The following CLINT1 variants were observed in gnomAD, a reference collection of about 807,000 sequenced individuals.
CLINT1 encodes the protein clathrin interacting protein localized in the trans-Golgi region.
Under a neutral mutation model 70.4 loss-of-function variants are expected in CLINT1, and 15 were observed. The ratio of observed to expected loss-of-function variants is 0.21; its 90% confidence interval spans 0.14 to 0.33. The LOEUF is 0.33. Among genes scored for constraint, CLINT1 ranks in the 10% least tolerant of loss-of-function variants. The pLI, the probability that CLINT1 is intolerant of heterozygous loss-of-function variation, is 1.00. For synonymous variants in CLINT1, 227 were observed against 254.7 expected, an observed-to-expected ratio of 0.89 and a Z score of 1.04; for missense variants, 615 against 778.1, an observed-to-expected ratio of 0.79 and a Z score of 2.49.
chr5:157,816,656 C>T, intron 3 of CLINT1, 78 bp downstream of exon 3: 1 of 876,414 alleles, frequency 1.1e-6, no homozygotes. Context: ...ACTTCAAAAT[C>T]ACCTATGTAT....
Position 157,814,243 on chromosome 5 carries a change from A to G in CLINT1, c.294T>C (p.Val98=). The change falls in exon 4 of 12, where the codon GTT becomes GTC. Residue 98 remains valine, a synonymous_variant. Coordinates refer to ENST00000411809, the MANE Select transcript of CLINT1 (RefSeq NM_014666.4). ...YLIRNGSERV[V]TSAREHIYDL... is the part of the protein sequence containing the mutation. Reference sequence around the variant, plus strand: ...CATAAATGTGTTCTCTGGCACTTGTAACAACACGCTCTGATCCATTCCTTA... The same window carrying G: ...CATAAATGTGTTCTCTGGCACTTGTGACAACACGCTCTGATCCATTCCTTA... 1.2e-6 allele frequency: 2 copies of G among 1,611,288 alleles called. No homozygotes were observed. Among genetic ancestry groups the G allele is most frequent in the Non-Finnish European group, 1.7e-6 (2 of 1,178,794 alleles).
At chr5:157,796,358 T>C (rs1262332769) in intron 8 of CLINT1, among the ~76,000 whole-genome samples, 2 of 152,218 alleles carry the variant, frequency 1.3e-5, no homozygotes, top group Non-Finnish European at 2.9e-5. Flanking sequence ...TATAACATTA[T>C]TTCAAGTTGT....
chr5:157,829,271 T>A (rs1763141234), intron 1 of CLINT1, among the ~76,000 whole-genome samples: 1 of 152,182 alleles, frequency 6.6e-6, no homozygotes, highest in Middle Eastern at 3.2e-3. Flanking sequence ...CAACTCAAAC[T>A]ATTTCTATTT....
intron 4 of CLINT1, 73 bp from the exon 5 acceptor site, chr5:157,813,300 A>G (rs912776311): frequency 7.5e-7 from 1 of 1,329,488 alleles, no homozygotes; most frequent in Non-Finnish European, 1.0e-6. Context: ...AAGATTAAAA[A>G]AAAGACACAA....
At chr5:157,851,170 T>C (rs953752632) in intron 1 of CLINT1, among the ~76,000 whole-genome samples, 15 of 152,160 alleles carry the variant, frequency 9.9e-5, no homozygotes, top group South Asian at 8.3e-4. Context: ...AACCCGAAAA[T>C]TGAATTTTCA....
chr5:157,844,035 T>C (rs1264390455), intron 1 of CLINT1, among the ~76,000 whole-genome samples: 4 of 152,144 alleles, frequency 2.6e-5, no homozygotes, highest in Non-Finnish European at 1.5e-5. Context: ...GTAAGAGTGA[T>C]ACCATCTCTT....
intron 8 of CLINT1, among the ~76,000 whole-genome samples, chr5:157,797,390 T>C (rs1030222395): frequency 6.6e-6 from 1 of 152,070 alleles, no homozygotes; most frequent in Non-Finnish European, 1.5e-5. Flanking sequence ...TTCTTTTCTG[T>C]TTTTCTTTGT....
intron 1 of CLINT1, among the ~76,000 whole-genome samples, chr5:157,846,790 G>A (rs1753397125): frequency 6.6e-6 from 1 of 152,164 alleles, no homozygotes; most frequent in African/African-American, 2.4e-5. Flanking sequence ...TGCACATTAT[G>A]AAAATCCTGG....
chr5:157,836,484 C>T (rs1218458335), intron 1 of CLINT1, among the ~76,000 whole-genome samples: 1 of 152,186 alleles, frequency 6.6e-6, no homozygotes, highest in Non-Finnish European at 1.5e-5. Flanking sequence ...ATCCACTATC[C>T]AACTCAGCAC....
intron 8 of CLINT1, among the ~76,000 whole-genome samples, chr5:157,802,454 C>A (rs1331753964): frequency 6.6e-6 from 1 of 151,988 alleles, no homozygotes; most frequent in African/African-American, 2.4e-5. Flanking sequence ...TACTCAAAAT[C>A]TAGCACATAC....
intron 1 of CLINT1, among the ~76,000 whole-genome samples, chr5:157,853,177 G>A (rs764768817): frequency 2.6e-5 from 4 of 151,544 alleles, no homozygotes; most frequent in African/African-American, 4.9e-5. Flanking sequence ...ATGAAACCCC[G>A]TCTCTACAAA....
chr5:157,855,594 C>T (rs1753733312), intron 1 of CLINT1, among the ~76,000 whole-genome samples: 1 of 152,156 alleles, frequency 6.6e-6, no homozygotes, highest in African/African-American at 2.4e-5. Flanking sequence ...CCTCTACTGC[C>T]ACCAGGAGGT....
chr5:157,813,750 T>C (rs1422635801), intron 4 of CLINT1, among the ~76,000 whole-genome samples: 1 of 152,214 alleles, frequency 6.6e-6, no homozygotes, highest in Non-Finnish European at 1.5e-5. Flanking sequence ...TGAAATGTGC[T>C]TCATTTTCTA....
At chr5:157,836,214 GT>G (rs1160382391) in intron 1 of CLINT1, among the ~76,000 whole-genome samples, 1 of 152,168 alleles carries the variant, frequency 6.6e-6, no homozygotes, top group African/African-American at 2.4e-5. Flanking sequence ...GCCAGGCATT[GT>G]CCTAAGCCAC....
In CLINT1 at chr5:157,791,873, C is replaced by G. The variant is rs913447553; in HGVS notation, c.1210G>C (p.Val404Leu). 17 of 1,613,880 alleles carry G rather than the reference C, an allele frequency of 1.1e-5. No homozygotes were observed. Among genetic ancestry groups the G allele is most frequent in the Non-Finnish European group, 1.4e-5 (17 of 1,179,888 alleles). The part of the protein sequence containing the change: ...GSASQPAVEL[V>L]SGSQSALGPP... ...CCTAGAGCTGATTGTGAGCCACTAA[C>G]AAGTTCTACCGCTGGCTGTGAGGCA... Residue 404 changes from valine to leucine, a missense_variant, in exon 10 of 12, where the codon GTT becomes CTT. This residue lies in a region of CLINT1 where 374 missense variants were observed against 409.6 expected (regional missense o/e 0.91). Transcript: ENST00000411809.
intron 1 of CLINT1, among the ~76,000 whole-genome samples, chr5:157,832,316 TATTTGAGAAGTAAATAAAGGTAA>T (rs1344146486): frequency 1.3e-5 from 2 of 152,200 alleles, no homozygotes; most frequent in Non-Finnish European, 2.9e-5. Flanking sequence ...TTTCTATGTA[TATTTGAGAAGTAAATAAAGGTAA>T]ATTTGAGAAG....
chr5:157,803,056 G>T (rs1312232163), intron 8 of CLINT1, among the ~76,000 whole-genome samples: 3 of 152,162 alleles, frequency 2.0e-5, no homozygotes, highest in Admixed American at 6.5e-5. Flanking sequence ...TCAATTAAAA[G>T]AATAAAAAGT....
chr5:157,805,311 C>T (rs2113175011), intron 7 of CLINT1, among the ~76,000 whole-genome samples: 1 of 152,244 alleles, frequency 6.6e-6, no homozygotes, highest in East Asian at 1.9e-4. Flanking sequence ...GTTGAAAAGA[C>T]TAGGGTTTGG....
At chr5:157,817,416 G>C (rs780730271) in intron 2 of CLINT1, 27 bp downstream of exon 2, 1 of 1,377,440 alleles carries the variant, frequency 7.3e-7, no homozygotes. Flanking sequence ...ATTTTTTTCT[G>C]CACTGCTGAG....
Sources: gnomAD v4.1 joint callset for allele counts (sites outside exome capture counted in the v4.1 genomes callset) on GRCh38, gnomAD v4.1.1 for gene constraint, gnomAD v4.1.1 regional missense constraint, MANE v1.5 for transcripts, NCBI Gene and HGNC (gene_info 2026-07-23, HGNC 2026-07-21) for gene names.